The following BANP variants were observed in gnomAD, a reference collection of about 807,000 sequenced individuals.
BANP encodes the protein protein BANP.
In BANP, 11 loss-of-function variants were observed where a neutral mutation model predicts 68.1. That is an observed-to-expected ratio of 0.16 (90% CI 0.10 to 0.27). The LOEUF (loss-of-function observed/expected upper bound fraction) is 0.27. BANP is among the 10% of genes least tolerant of loss of function. BANP has a pLI of 1.00. For synonymous variants in BANP, 329 were observed against 303.2 expected (o/e 1.09, Z -0.88); for missense variants, 504 against 722.7 (o/e 0.70, Z 3.47).
intron 9 of BANP, among the ~76,000 whole-genome samples, chr16:88,034,174 C>T (rs201975380): frequency 6.6e-6 from 1 of 152,176 alleles, no homozygotes; most frequent in Non-Finnish European, 1.5e-5. Context: ...GGGGCGTTAC[C>T]CTTCCTCTTC....
intron 11 of BANP, 120 bp downstream of exon 11, chr16:88,038,131 G>A (rs2079843164): frequency 7.2e-6 from 7 of 965,910 alleles, no homozygotes; most frequent in East Asian, 2.6e-5. Flanking sequence ...TGGGCATTGC[G>A]CTGCCGAGGG....
At chr16:87,969,365 T>C (rs2060697224) in intron 1 of BANP, among the ~76,000 whole-genome samples, 1 of 152,172 alleles carries the variant, frequency 6.6e-6, no homozygotes, top group Non-Finnish European at 1.5e-5. Flanking sequence ...TGATAGCTAT[T>C]GCCCTTCAAA....
intron 1 of BANP, among the ~76,000 whole-genome samples, chr16:87,959,435 T>C (rs989875463): frequency 3.9e-5 from 6 of 152,122 alleles, no homozygotes; most frequent in African/African-American, 1.4e-4. Context: ...CGAGGTTGTG[T>C]AGAGAGGCAG....
intron 12 of BANP, among the ~76,000 whole-genome samples, chr16:88,068,141 G>T (rs572247613): frequency 1.3e-5 from 2 of 152,242 alleles, no homozygotes; most frequent in Non-Finnish European, 2.9e-5. Context: ...GGAAAGCGTC[G>T]TGCACTCGTC....
intron 11 of BANP, among the ~76,000 whole-genome samples, chr16:88,056,185 A>C (rs978714890): frequency 1.3e-5 from 2 of 152,256 alleles, no homozygotes; most frequent in African/African-American, 4.8e-5. Context: ...TGCCGCATGC[A>C]GCAGAGTGTT....
At chr16:87,981,631 C>T (rs1487367473) in intron 3 of BANP, among the ~76,000 whole-genome samples, 1 of 152,232 alleles carries the variant, frequency 6.6e-6, no homozygotes, top group Admixed American at 6.5e-5. Flanking sequence ...CAGCCCGCTA[C>T]AGAAGAGTGT....
chr16:87,977,430 C>G (rs1241219818), intron 2 of BANP, among the ~76,000 whole-genome samples: 1 of 132,362 alleles, frequency 7.6e-6, no homozygotes, highest in Non-Finnish European at 1.8e-5. Context: ...AAAAAAAAAA[C>G]AAAACCTACT....
intron 2 of BANP, among the ~76,000 whole-genome samples, chr16:87,977,841 A>ACCTT (rs2145903559): frequency 2.1e-5 from 1 of 48,754 alleles, no homozygotes; most frequent in Non-Finnish European, 3.6e-5. Context: ...TGATTGTGAT[A>ACCTT]TCTTTATTTA....
At chr16:88,035,535 A>G in intron 10 of BANP, 141 bp downstream of exon 10, 1 of 743,692 alleles carries the variant, frequency 1.3e-6, no homozygotes, top group Non-Finnish European at 2.2e-6. Flanking sequence ...CTCCGCTTCC[A>G]GGGTGCACAT....
chr16:88,035,162 A>C (rs1450382630), intron 9 of BANP, 161 bp from the exon 10 acceptor site: 1 of 710,226 alleles, frequency 1.4e-6, no homozygotes, highest in Non-Finnish European at 2.4e-6. Context: ...CCAAAAGCTT[A>C]ATTTAAAGAA....
At position 88,077,291 on chromosome 16, in the gene BANP, A is replaced by G. The variant is rs1290068507; in HGVS notation, c.*630A>G. The G allele has an allele frequency of 6.6e-6, 1 of 152,326 alleles. No individual in the cohort carries two copies. Among genetic ancestry groups the G allele is most frequent in the Non-Finnish European group, 1.5e-5 (1 of 68,078 alleles). The allele number at this position is 152,326 out of a possible 1,614,324, so 9.4% of individuals were successfully genotyped here. ...TTAAACACTGTAATTATGCATTTCT[A>G]ATGAAATAAAATGTATTTATGACCA... On this transcript the variant is annotated 3_prime_UTR_variant, in exon 14 of 14. Transcript: ENST00000682872.
chr16:87,961,181 T>C (rs563603815), intron 1 of BANP, among the ~76,000 whole-genome samples: 1 of 152,362 alleles, frequency 6.6e-6, no homozygotes, highest in Admixed American at 6.5e-5. Flanking sequence ...ACATTCCATA[T>C]TGCAAACAGC....
intron 13 of BANP, 31 bp from the exon 14 acceptor site, chr16:88,076,559 C>G (rs1324533891): frequency 3.7e-6 from 6 of 1,601,974 alleles, no homozygotes; most frequent in Middle Eastern, 1.7e-4. Context: ...GGGTATTTTT[C>G]TAGAAAGTCC....
intron 11 of BANP, among the ~76,000 whole-genome samples, chr16:88,052,763 C>T (rs62046879): frequency 0.99 from 150,005 of 151,610 alleles, 74,218 homozygotes; most frequent in East Asian, 1. Context: ...TTTACCATTA[C>T]CATCTCCATC....
intron 11 of BANP, among the ~76,000 whole-genome samples, chr16:88,043,255 AG>A (rs1460377740): frequency 1.3e-5 from 2 of 152,206 alleles, no homozygotes; most frequent in Non-Finnish European, 2.9e-5. Context: ...TCATGGCTCC[AG>A]GCATGGGTAG....
chr16:87,967,157 C>T (rs2060168968), intron 1 of BANP, among the ~76,000 whole-genome samples: 1 of 151,956 alleles, frequency 6.6e-6, no homozygotes, highest in African/African-American at 2.4e-5. Flanking sequence ...CTGGGGAGAG[C>T]AGGTACTGGC....
At chr16:87,972,260 T>C (rs549811762) in intron 1 of BANP, among the ~76,000 whole-genome samples, 1 of 152,286 alleles carries the variant, frequency 6.6e-6, no homozygotes, top group East Asian at 1.9e-4. Flanking sequence ...TGTTCTAAGG[T>C]TCTTCTAGTT....
At chr16:87,986,156 T>G (rs2064360176) in intron 4 of BANP, among the ~76,000 whole-genome samples, 1 of 152,176 alleles carries the variant, frequency 6.6e-6, no homozygotes, top group Non-Finnish European at 1.5e-5. Context: ...AAAGCACCCC[T>G]GGGCACCTGC....
chr16:87,972,426 T>C (rs1342415509), intron 1 of BANP, among the ~76,000 whole-genome samples: 1 of 149,884 alleles, frequency 6.7e-6, no homozygotes, highest in Non-Finnish European at 1.5e-5. Flanking sequence ...GTATAGTTTT[T>C]TTTTTCTTTT....
Sources: gnomAD v4.1 joint callset for allele counts (sites outside exome capture counted in the v4.1 genomes callset) on GRCh38, gnomAD v4.1.1 for gene constraint, MANE v1.5 for transcripts, NCBI Gene and HGNC (gene_info 2026-07-23, HGNC 2026-07-21) for gene names.